CTNNA3: variants seen among roughly 807,000 people sequenced by gnomAD.
CTNNA3 encodes the protein catenin alpha 3, also known as catenin alpha-3.
In CTNNA3, 76 loss-of-function variants were observed where a neutral mutation model predicts 95.7. The observed-to-expected ratio is 0.79, with a 90% CI of 0.66 to 0.96. The LOEUF is 0.96. Ranked by LOEUF, CTNNA3 falls within the 40% of genes least tolerant of loss-of-function variation. The pLI, the probability that CTNNA3 is intolerant of heterozygous loss-of-function variation, is 0.00. For synonymous variants in CTNNA3, 431 were observed against 374.4 expected (o/e 1.15, Z -1.74); for missense variants, 1,191 against 1,089.8 (o/e 1.09, Z -1.31).
chr10:66,953,463 T>A (rs1055819065), intron 7 of CTNNA3, among the ~76,000 whole-genome samples: 3 of 152,026 alleles, frequency 2.0e-5, no homozygotes, highest in African/African-American at 4.8e-5. Flanking sequence ...TTACATTACA[T>A]TTTTTTTCTG....
rs10997600 is a variant in CTNNA3, at chr10:67,269,229, T to C, written c.580-49359A>G. Among the ~76,000 whole-genome samples the C allele has an allele frequency of 6.3e-3, 958 of 152,280 alleles. 35 individuals carry two copies. The East Asian group carries it at 0.11, about 18-fold the overall frequency. On this transcript the variant is annotated intron_variant, in intron 5 of 17. Coordinates refer to ENST00000433211, the MANE Select transcript of CTNNA3 (RefSeq NM_013266.4). ...ACAGAAAGGTTGGAGTCATTAAAGA[T>C]TTTTTATGAACAAGTGGCTTATCTA... is the stretch of plus-strand genomic sequence containing the variant.
chr10:66,597,609 C>T (rs1843768559), intron 10 of CTNNA3, among the ~76,000 whole-genome samples: 2 of 141,368 alleles, frequency 1.4e-5, no homozygotes, highest in Middle Eastern at 3.9e-3. Flanking sequence ...TTACAAGAAA[C>T]TCTGAACACA....
intron 1 of CTNNA3, among the ~76,000 whole-genome samples, chr10:67,654,022 G>A (rs756546121): frequency 1.2e-4 from 18 of 152,182 alleles, no homozygotes; most frequent in Non-Finnish European, 1.8e-4. Flanking sequence ...GCCAATGAGT[G>A]CAGATTGAGT....
intron 7 of CTNNA3, among the ~76,000 whole-genome samples, chr10:67,123,169 G>A (rs1412517721): frequency 6.6e-6 from 1 of 152,078 alleles, no homozygotes; most frequent in East Asian, 1.9e-4. Context: ...GATGAACCAA[G>A]TATAGAGGCT....
At chr10:67,231,150 G>A (rs569518109) in intron 5 of CTNNA3, among the ~76,000 whole-genome samples, 2 of 152,248 alleles carry the variant, frequency 1.3e-5, no homozygotes, top group African/African-American at 4.8e-5. Flanking sequence ...CAGCTGGGAA[G>A]CTCAAACTGG....
intron 5 of CTNNA3, among the ~76,000 whole-genome samples, chr10:67,485,852 C>T (rs189511319): frequency 1.3e-5 from 2 of 152,296 alleles, no homozygotes; most frequent in East Asian, 1.9e-4. Context: ...GTCAACTAGA[C>T]GTCTCTTCCT....
intron 10 of CTNNA3, among the ~76,000 whole-genome samples, chr10:66,560,324 A>G (rs1469653396): frequency 6.6e-6 from 1 of 152,012 alleles, no homozygotes; most frequent in Non-Finnish European, 1.5e-5. Context: ...TAAAACAGTA[A>G]CCTACCTCAT....
intron 7 of CTNNA3, among the ~76,000 whole-genome samples, chr10:67,105,910 C>T (rs1290257095): frequency 3.9e-5 from 6 of 152,074 alleles, no homozygotes; most frequent in East Asian, 1.9e-4. Flanking sequence ...AACATTTTTC[C>T]GCCTTTGGAT....
intron 11 of CTNNA3, among the ~76,000 whole-genome samples, chr10:66,407,007 T>C (rs1428876199): frequency 6.6e-6 from 1 of 152,164 alleles, no homozygotes; most frequent in Non-Finnish European, 1.5e-5. Flanking sequence ...TTTACCCTTT[T>C]ATTAAACACT....
At chr10:66,404,670 T>C (rs1470676435) in intron 11 of CTNNA3, among the ~76,000 whole-genome samples, 6 of 152,206 alleles carry the variant, frequency 3.9e-5, no homozygotes, top group South Asian at 2.1e-4. Flanking sequence ...TAAGACACTT[T>C]AGGTCAGACT....
intron 10 of CTNNA3, among the ~76,000 whole-genome samples, chr10:66,606,519 AAC>A (rs1844128428): frequency 6.6e-6 from 1 of 152,172 alleles, no homozygotes; most frequent in African/African-American, 2.4e-5. Context: ...AATCAGACAT[AAC>A]ACACTCCTCA....
At chr10:66,490,384 A>C (rs981362668) in intron 11 of CTNNA3, among the ~76,000 whole-genome samples, 50 of 152,204 alleles carry the variant, frequency 3.3e-4, no homozygotes, top group African/African-American at 1.2e-3. Context: ...GATGAAGAAG[A>C]GACAAGAACT....
chr10:67,023,740 T>C (rs1049981970), intron 7 of CTNNA3, among the ~76,000 whole-genome samples: 7 of 152,182 alleles, frequency 4.6e-5, no homozygotes, highest in African/African-American at 1.4e-4. Context: ...AAAAATTACA[T>C]AGAATATAAA....
intron 5 of CTNNA3, among the ~76,000 whole-genome samples, chr10:67,458,374 C>T (rs1319004210): frequency 6.6e-6 from 1 of 151,972 alleles, no homozygotes; most frequent in African/African-American, 2.4e-5. Context: ...GAGTAACTTG[C>T]CCAAGGTCTA....
Position 66,443,903 on chromosome 10 carries a change from G to A in CTNNA3, c.1532-64551C>T, listed in dbSNP as rs189683098. 7.8e-3 allele frequency among the ~76,000 whole-genome samples: 1,192 copies of A among 152,152 alleles called. 19 individuals are homozygous for A. The highest frequency in any genetic ancestry group is 0.028 in the African/African-American group (1,146 of 41,500). ...GCTACAGGAGGAAATTCAAACCAAT[G>A]GCAAAGAAGTTAGAAACTTTGAAAA... On this transcript the variant is annotated intron_variant, in intron 11 of 17. Coordinates refer to ENST00000433211, the MANE Select transcript of CTNNA3 (RefSeq NM_013266.4).
chr10:66,446,521 TTCACA>T (rs2093422637), intron 11 of CTNNA3, among the ~76,000 whole-genome samples: 11 of 150,886 alleles, frequency 7.3e-5, no homozygotes, highest in African/African-American at 2.7e-4. Flanking sequence ...TGGTTTAACA[TTCACA>T]AATCAATAAA....
At chr10:66,084,541 G>A (rs1028811934) in intron 14 of CTNNA3, among the ~76,000 whole-genome samples, 8 of 152,068 alleles carry the variant, frequency 5.3e-5, no homozygotes, top group African/African-American at 1.4e-4. Context: ...TAAAATAGAT[G>A]TTTACTAAAT....
chr10:66,144,307 T>C (rs1430976234), intron 13 of CTNNA3, among the ~76,000 whole-genome samples: 3 of 152,192 alleles, frequency 2.0e-5, no homozygotes, highest in Non-Finnish European at 4.4e-5. Context: ...CAGTCACTTA[T>C]ACAAATCTAT....
intron 10 of CTNNA3, among the ~76,000 whole-genome samples, chr10:66,607,472 C>CAAAAAAAAAAAAAA (rs574854850): frequency 2.2e-4 from 10 of 45,268 alleles, no homozygotes; most frequent in East Asian, 1.3e-3. Flanking sequence ...CAGAGACAAC[C>CAAAAAAAAAAAAAA]AAAAAAAAAA....
Sources: allele counts gnomAD v4.1 joint callset (sites outside exome capture counted in the v4.1 genomes callset), GRCh38; gene constraint gnomAD v4.1.1; transcripts MANE v1.5; gene names NCBI Gene and HGNC (gene_info 2026-07-23, HGNC 2026-07-21).